The following SDK1 variants were observed in gnomAD, a reference collection of about 807,000 sequenced individuals.
SDK1 encodes sidekick cell adhesion molecule 1.
In SDK1, 157 loss-of-function variants were observed where a neutral mutation model predicts 245.5. The observed-to-expected ratio is 0.64, with a 90% CI of 0.56 to 0.73. SDK1 has a LOEUF of 0.73. Among genes scored for constraint, SDK1 ranks in the 30% least tolerant of loss-of-function variants. The pLI, the probability that SDK1 is intolerant of heterozygous loss-of-function variation, is 0.00. For missense variants in SDK1, 3,583 were observed against 3,002.3 expected (o/e 1.19, Z -4.52); for synonymous variants, 1,647 against 1,278.5 (o/e 1.29, Z -6.15).
At chr7:3,471,479 A>G (rs554994981) in intron 1 of SDK1, among the ~76,000 whole-genome samples, 2 of 152,330 alleles carry the variant, frequency 1.3e-5, no homozygotes, top group South Asian at 2.1e-4. Flanking sequence ...TCCTCAAACT[A>G]CAGGTACTTA....
chr7:4,013,332 G>C (rs1407310980), intron 16 of SDK1, among the ~76,000 whole-genome samples: 1 of 152,230 alleles, frequency 6.6e-6, no homozygotes, highest in African/African-American at 2.4e-5. Context: ...AAGTAAAGCA[G>C]AATTGCATAA....
At chr7:3,987,394 C>G in intron 14 of SDK1, 72 bp downstream of exon 14, 2 of 1,520,134 alleles carry the variant, frequency 1.3e-6, no homozygotes, top group Non-Finnish European at 1.8e-6. Context: ...TGTCCTTAAC[C>G]TTTACTTCTG....
intron 1 of SDK1, among the ~76,000 whole-genome samples, chr7:3,373,660 C>T (rs1034150141): frequency 2.4e-4 from 36 of 151,336 alleles, no homozygotes; most frequent in South Asian, 2.1e-3. Flanking sequence ...ATGTGCGATA[C>T]TTTACTTGGC....
chr7:3,671,308 G>A (rs1021149971), intron 4 of SDK1, among the ~76,000 whole-genome samples: 1 of 151,932 alleles, frequency 6.6e-6, no homozygotes, highest in East Asian at 1.9e-4. Flanking sequence ...GAATTCCATC[G>A]GCCTCTACAT....
chr7:3,435,709 C>CT (rs1198662076), intron 1 of SDK1, among the ~76,000 whole-genome samples: 1 of 152,062 alleles, frequency 6.6e-6, no homozygotes, highest in African/African-American at 2.4e-5. Context: ...CTCTATCCTA[C>CT]TTTACATGCC....
intron 1 of SDK1, among the ~76,000 whole-genome samples, chr7:3,435,520 T>G (rs184858815): frequency 0.038 from 5,619 of 147,650 alleles, 320 homozygotes; most frequent in African/African-American, 0.13. Context: ...TGATTATGAT[T>G]ATTATTATTA....
At chr7:3,712,584 G>A (rs1785079414) in intron 4 of SDK1, among the ~76,000 whole-genome samples, 1 of 152,206 alleles carries the variant, frequency 6.6e-6, no homozygotes, top group African/African-American at 2.4e-5. Context: ...TGCCAAGAAG[G>A]TTGGGGACTG....
intron 37 of SDK1, among the ~76,000 whole-genome samples, chr7:4,208,574 T>C (rs1331823385): frequency 3.9e-5 from 6 of 152,138 alleles, no homozygotes; most frequent in African/African-American, 1.4e-4. Context: ...GGGCTTTGAG[T>C]CTGCAGCAAG....
At chr7:3,804,508 C>T (rs544299671) in intron 4 of SDK1, among the ~76,000 whole-genome samples, 11 of 152,284 alleles carry the variant, frequency 7.2e-5, no homozygotes, top group South Asian at 4.1e-4. Context: ...ACTTATTCCT[C>T]CCACTTTTTG....
rs138658842 is a variant in SDK1 at position 4,152,916 on chromosome 7, A to C, written c.4625+3453A>C. 1.6e-3 allele frequency among the ~76,000 whole-genome samples: 246 copies of C among 152,322 alleles called. 1 individual carries two copies. Among genetic ancestry groups the C allele is most frequent in the African/African-American group, 5.5e-3 (230 of 41,576 alleles). On this transcript the variant is annotated intron_variant, in intron 30 of 44. Coordinates refer to ENST00000404826, the MANE Select transcript of SDK1 (RefSeq NM_152744.4). ...GTCTGAGACGTGTTCAGGTGTTGCC[A>C]GTGTCTGGTTGGTGGTTGAAGTTGT...
intron 4 of SDK1, among the ~76,000 whole-genome samples, chr7:3,657,953 A>C (rs1016900676): frequency 1.3e-5 from 2 of 152,144 alleles, no homozygotes; most frequent in Non-Finnish European, 2.9e-5. Flanking sequence ...ATTTTCGTGA[A>C]TGTTTATGAC....
Position 4,161,767 on chromosome 7 carries a change from C to T in SDK1, c.4730-19C>T, listed in dbSNP as rs201591110. 5.6e-4 allele frequency: 902 copies of T among 1,609,808 alleles called. 4 individuals carry two copies. The African/African-American group carries it at 0.011, about 20-fold the overall frequency. ...TAACAACCACCCTGACCCCCGCTTT[C>T]CTCTCCTGTGTGTTTCAGTTCCAGG... On this transcript the variant is annotated intron_variant, in intron 31 of 44. Coordinates refer to ENST00000404826, the MANE Select transcript of SDK1 (RefSeq NM_152744.4).
At chr7:3,391,036 A>G (rs2128570141) in intron 1 of SDK1, among the ~76,000 whole-genome samples, 1 of 152,294 alleles carries the variant, frequency 6.6e-6, no homozygotes, top group South Asian at 2.1e-4. Context: ...GAAGTTTGTT[A>G]GCTACCATTG....
At chr7:3,735,304 GC>G (rs1467882401) in intron 4 of SDK1, among the ~76,000 whole-genome samples, 2 of 152,116 alleles carry the variant, frequency 1.3e-5, no homozygotes, top group African/African-American at 4.8e-5. Flanking sequence ...ATCTGTACTT[GC>G]TAAGCAGTGA....
intron 19 of SDK1, among the ~76,000 whole-genome samples, chr7:4,053,180 TTCTGAAC>T (rs1272582319): frequency 2.6e-5 from 4 of 151,942 alleles, no homozygotes; most frequent in Non-Finnish European, 5.9e-5. Context: ...GGGCTCAGCC[TTCTGAAC>T]TTGTCTCTAC....
chr7:3,937,860 C>G (rs757769987), intron 5 of SDK1, among the ~76,000 whole-genome samples: 4 of 151,870 alleles, frequency 2.6e-5, no homozygotes, highest in Non-Finnish European at 4.4e-5. Flanking sequence ...TTCTTTGAGA[C>G]AGAGTCTCAC....
At chr7:3,907,312 A>G (rs1380805020) in intron 5 of SDK1, among the ~76,000 whole-genome samples, 1 of 152,176 alleles carries the variant, frequency 6.6e-6, no homozygotes, top group East Asian at 1.9e-4. Flanking sequence ...CGCCACTGGT[A>G]GCTGCTTTTC....
At chr7:3,660,389 T>G (rs573111404) in intron 4 of SDK1, among the ~76,000 whole-genome samples, 8 of 150,284 alleles carry the variant, frequency 5.3e-5, no homozygotes, top group Admixed American at 5.3e-4. Context: ...CAGCACTAAA[T>G]AAGTAAACAA....
At chr7:4,226,253 C>T (rs954871627) in intron 40 of SDK1, among the ~76,000 whole-genome samples, 6 of 152,214 alleles carry the variant, frequency 3.9e-5, no homozygotes, top group African/African-American at 7.2e-5. Flanking sequence ...GGGCCCTCAC[C>T]GCTGGGTATC....
Sources: gnomAD v4.1 joint callset for allele counts (sites outside exome capture counted in the v4.1 genomes callset) on GRCh38, gnomAD v4.1.1 for gene constraint, MANE v1.5 for transcripts, NCBI Gene and HGNC (gene_info 2026-07-23, HGNC 2026-07-21) for gene names.